Variants in B3GLCT observed in about 807,000 individuals in gnomAD.
B3GLCT encodes the protein beta-1,3-glucosyltransferase.
In B3GLCT, 65 loss-of-function variants were observed where a neutral mutation model predicts 63.4. The observed-to-expected ratio is 1.03, with a 90% CI of 0.84 to 1.26. B3GLCT has a LOEUF of 1.26. Among genes scored for constraint, B3GLCT ranks in the 50% most tolerant of loss-of-function variants. The pLI is 0.00. For synonymous variants in B3GLCT, 233 were observed against 219.2 expected, an observed-to-expected ratio of 1.06 and a Z score of -0.55; for missense variants, 577 against 604.8, an observed-to-expected ratio of 0.95 and a Z score of 0.48.
intron 12 of B3GLCT, among the ~76,000 whole-genome samples, chr13:31,302,270 T>A (rs1474819076): frequency 6.6e-6 from 1 of 152,178 alleles, no homozygotes; most frequent in Admixed American, 6.5e-5. Flanking sequence ...TGGATAACGG[T>A]CATATTCAGT....
At chr13:31,293,307 T>A (rs1216251319) in intron 12 of B3GLCT, among the ~76,000 whole-genome samples, 5 of 152,168 alleles carry the variant, frequency 3.3e-5, no homozygotes, top group Non-Finnish European at 5.9e-5. Context: ...TCTGTAGATG[T>A]CTATTAGGTC....
At chr13:31,327,899 C>T (rs75804783) in intron 14 of B3GLCT, among the ~76,000 whole-genome samples, 2,784 of 152,278 alleles carry the variant, frequency 0.018, 33 homozygotes, top group Non-Finnish European at 0.022. Context: ...AACTTTTCTT[C>T]GCAGATATTA....
In B3GLCT at chr13:31,308,332, T is replaced by TAAAAAAAAAATTTA. The variant is rs1491270945; in HGVS notation, c.1065-9224_1065-9223insTTTAAAAAAAAAAA. On this transcript the variant is annotated intron_variant, in intron 12 of 14. Coordinates refer to ENST00000343307, the MANE Select transcript of B3GLCT (RefSeq NM_194318.4). ...ATGTACCCTAAAACTTAGAGTATAATAAAAAAAAAAAAATTAAAAAAAAAA... is the reference window on the plus strand; with the variant it reads ...ATGTACCCTAAAACTTAGAGTATAATAAAAAAAAAATTTAAAAAAAAAAAAAATTAAAAAAAAAA... Among the ~76,000 whole-genome samples the TAAAAAAAAAATTTA allele has an allele frequency of 1.5e-4, 5 of 32,842 alleles. No homozygotes were observed. In the South Asian group the frequency reaches 8.4e-3, roughly 55 times the overall value. 21.5% of individuals were successfully genotyped at this position (32,842 alleles called of 152,430 possible). A position where few individuals can be genotyped will look rare whatever the true frequency, so the allele number is the denominator to read the frequency against.
intron 12 of B3GLCT, among the ~76,000 whole-genome samples, chr13:31,293,486 G>A (rs961648035): frequency 2.0e-5 from 3 of 151,966 alleles, no homozygotes; most frequent in Admixed American, 6.6e-5. Context: ...TGGATGCTCC[G>A]GTATTGGGTG....
Position 31,286,709 on chromosome 13 carries a change from G to A in B3GLCT, c.965-11G>A, listed in dbSNP as rs1308811287. 2 of 1,566,510 alleles carry A rather than the reference G, an allele frequency of 1.3e-6. No homozygotes were observed. Among genetic ancestry groups the A allele is most frequent in the Admixed American group, 1.7e-5 (1 of 59,616 alleles). On this transcript the variant is annotated splice_polypyrimidine_tract_variant and intron_variant, in intron 11 of 14. Transcript: ENST00000343307. ...ATAATACATTGTAAGTTTTTTTCTT[G>A]CCTTTTCTAGGTCATTGTGGAAAGA...
rs533325393 is a variant in B3GLCT at position 31,291,604 on chromosome 13, C to T, written c.1064+4785C>T. 3.9e-5 allele frequency among the ~76,000 whole-genome samples: 6 copies of T among 152,178 alleles called. No individual in the cohort carries two copies. In the East Asian group the frequency reaches 1.2e-3, roughly 29 times the overall value. Reference sequence around the variant, plus strand: ...TGTAGCAATTGTGAATGGCAGTTCACTCGTGATTTGCTTCTCTATTATTGG... The same window carrying T: ...TGTAGCAATTGTGAATGGCAGTTCATTCGTGATTTGCTTCTCTATTATTGG... On this transcript the variant is annotated intron_variant, in intron 12 of 14. Transcript: ENST00000343307.
At chr13:31,200,945 T>C (rs1014301699) in intron 1 of B3GLCT, among the ~76,000 whole-genome samples, 85 of 152,216 alleles carry the variant, frequency 5.6e-4, no homozygotes, top group African/African-American at 2.0e-3. Flanking sequence ...TGCCCATTCT[T>C]TTTTATTTCT....
intron 13 of B3GLCT, among the ~76,000 whole-genome samples, chr13:31,319,190 TGTGCTAG>T (rs1177130788): frequency 1.3e-5 from 2 of 152,202 alleles, no homozygotes; most frequent in African/African-American, 4.8e-5. Context: ...CCTGGCAGGC[TGTGCTAG>T]ACCACCAAGG....
intron 6 of B3GLCT, among the ~76,000 whole-genome samples, chr13:31,254,491 T>C (rs528083284): frequency 1.6e-4 from 24 of 152,260 alleles, no homozygotes; most frequent in African/African-American, 4.8e-4. Flanking sequence ...CTCAATAAAC[T>C]TGGCATTGAT....
At chr13:31,252,211 G>A (rs1245823581) in intron 6 of B3GLCT, among the ~76,000 whole-genome samples, 1 of 152,164 alleles carries the variant, frequency 6.6e-6, no homozygotes, top group African/African-American at 2.4e-5. Flanking sequence ...AAGAGCTCCT[G>A]AAGGAAGCAG....
intron 2 of B3GLCT, among the ~76,000 whole-genome samples, chr13:31,216,803 A>G (rs986946949): frequency 6.6e-6 from 1 of 152,196 alleles, no homozygotes; most frequent in African/African-American, 2.4e-5. Flanking sequence ...ATGGCTGTGT[A>G]GTATTCCATG....
At position 31,260,933 on chromosome 13, in the gene B3GLCT, C is replaced by G. The variant is rs768556535; in HGVS notation, c.460-13C>G. The G allele has an allele frequency of 6.2e-7, 1 of 1,608,854 alleles. No individual in the cohort carries two copies. Among genetic ancestry groups the G allele is most frequent in the African/African-American group, 1.3e-5 (1 of 74,752 alleles). On this transcript the variant is annotated splice_polypyrimidine_tract_variant and intron_variant, in intron 6 of 14. Coordinates refer to ENST00000343307, the MANE Select transcript of B3GLCT (RefSeq NM_194318.4). ...TTGTTTTTAAAGTGACATGTTATATCTTTATTTAACAGGAATGGTTTTTGG... is the reference window on the plus strand; with the variant it reads ...TTGTTTTTAAAGTGACATGTTATATGTTTATTTAACAGGAATGGTTTTTGG...
intron 4 of B3GLCT, among the ~76,000 whole-genome samples, chr13:31,243,032 T>A (rs556399218): frequency 2.6e-5 from 4 of 152,342 alleles, no homozygotes; most frequent in African/African-American, 9.6e-5. Flanking sequence ...AAGACATACG[T>A]ACCTCTTACA....
chr13:31,200,310 C>A (rs1868578477), intron 1 of B3GLCT, among the ~76,000 whole-genome samples, 156 bp downstream of exon 1: 1 of 148,102 alleles, frequency 6.8e-6, no homozygotes. Context: ...CGCGCCGCGC[C>A]GTCAGCAGCG....
intron 10 of B3GLCT, among the ~76,000 whole-genome samples, chr13:31,280,345 TC>T (rs1289828999): frequency 6.6e-6 from 1 of 152,220 alleles, no homozygotes; most frequent in African/African-American, 2.4e-5. Flanking sequence ...TGCCATGGCT[TC>T]AGCCGGTCCC....
chr13:31,324,772 G>T (rs1281817588), intron 14 of B3GLCT, among the ~76,000 whole-genome samples: 1 of 151,858 alleles, frequency 6.6e-6, no homozygotes, highest in Non-Finnish European at 1.5e-5. Context: ...TCACTGCAAC[G>T]TGGCTCACTG....
chr13:31,297,133 T>G (rs1419684216), intron 12 of B3GLCT, among the ~76,000 whole-genome samples: 3 of 152,166 alleles, frequency 2.0e-5, no homozygotes, highest in African/African-American at 7.2e-5. Context: ...TGAATAACAT[T>G]CCTTGGATAC....
chr13:31,332,152 CTT>C lies in B3GLCT; in HGVS notation c.*2485_*2486del. Reference sequence around the variant, plus strand: ...GCATTTCTGGGTTTATTGAAGACCTCTTGTTGTATATATCCTCAAAAATTAAT... The same window carrying C: ...GCATTTCTGGGTTTATTGAAGACCTCGTTGTATATATCCTCAAAAATTAAT... On this transcript the variant is annotated 3_prime_UTR_variant, in exon 15 of 15. Transcript: ENST00000343307. 1 of 152,248 alleles carries C rather than the reference CTT, an allele frequency of 6.6e-6. No individual in the cohort carries two copies. The highest frequency in any genetic ancestry group is 1.5e-5 in the Non-Finnish European group (1 of 67,996). 9.4% of individuals were successfully genotyped at this position (152,248 alleles called of 1,614,324 possible).
intron 4 of B3GLCT, among the ~76,000 whole-genome samples, chr13:31,233,705 A>G (rs1038025537): frequency 2.6e-5 from 4 of 152,130 alleles, no homozygotes; most frequent in Non-Finnish European, 5.9e-5. Context: ...TGGGAAGTGT[A>G]ATGTCTAGTT....
Sources: allele counts gnomAD v4.1 joint callset (sites outside exome capture counted in the v4.1 genomes callset), GRCh38; gene constraint gnomAD v4.1.1; transcripts MANE v1.5; gene names NCBI Gene and HGNC (gene_info 2026-07-23, HGNC 2026-07-21).